RPS6KA3: variants seen among roughly 807,000 people sequenced by gnomAD.
RPS6KA3 encodes the protein ribosomal protein S6 kinase A3.
RPS6KA3 carries 4 observed loss-of-function variants against 67.2 expected under a neutral mutation model. The observed-to-expected ratio is 0.06, with a 90% CI of 0.03 to 0.14. The LOEUF is 0.14. Among genes scored for constraint, RPS6KA3 ranks in the 10% least tolerant of loss-of-function variants. The probability of loss-of-function intolerance (pLI) is 1.00; values close to 1 mark genes in which losing one functional copy is unlikely to be tolerated. For synonymous variants in RPS6KA3, 182 were observed against 183.7 expected (o/e 0.99, Z 0.07); for missense variants, 204 against 559.0 (o/e 0.36, Z 6.40).
chrX:20,188,065 C>T (rs2068030088), intron 8 of RPS6KA3, 95 bp from the exon 9 acceptor site: 1 of 854,358 alleles, frequency 1.2e-6, no homozygotes. Flanking sequence ...ATTTCTAATA[C>T]AAGTTTTTTT....
rs1429626051 is a variant in RPS6KA3 at position 20,163,913 on chromosome X, C to T, written c.1765-873G>A. 2.7e-5 allele frequency among the ~76,000 whole-genome samples: 3 copies of T among 111,760 alleles called. No homozygotes were observed. The East Asian group carries it at 8.5e-4, about 31-fold the overall frequency. ...CAAACCCCTGAGTTCAAGCAATCTGCCTGCCTTGGCCTCCCAAAGTGCTAG... is the reference window on the plus strand; with the variant it reads ...CAAACCCCTGAGTTCAAGCAATCTGTCTGCCTTGGCCTCCCAAAGTGCTAG... On this transcript the variant is annotated intron_variant, in intron 18 of 21. Transcript: ENST00000379565.
intron 10 of RPS6KA3, among the ~76,000 whole-genome samples, chrX:20,184,437 A>C (rs1603424283): frequency 1.2e-5 from 1 of 82,999 alleles, no homozygotes; most frequent in African/African-American, 4.7e-5. Context: ...CTCGCTCTTC[A>C]CTCTGTTGCT....
chrX:20,244,604 A>C (rs1405029141), intron 1 of RPS6KA3, among the ~76,000 whole-genome samples: 7 of 112,317 alleles, frequency 6.2e-5, no homozygotes, highest in Non-Finnish European at 9.4e-5. Flanking sequence ...AATAACTTGT[A>C]CAAGATCATA....
chrX:20,238,892 T>C (rs974108246), intron 1 of RPS6KA3, among the ~76,000 whole-genome samples: 1 of 111,514 alleles, frequency 9.0e-6, no homozygotes, highest in Non-Finnish European at 1.9e-5. Flanking sequence ...ACTTCTACAG[T>C]TAAGTTTCCC....
intron 1 of RPS6KA3, among the ~76,000 whole-genome samples, chrX:20,264,782 T>C (rs1207938362): frequency 8.9e-6 from 1 of 112,245 alleles, no homozygotes; most frequent in African/African-American, 3.2e-5. Context: ...GAGTTGCAAT[T>C]GTTAATGTTT....
intron 20 of RPS6KA3, among the ~76,000 whole-genome samples, chrX:20,157,014 T>G (rs1277683079): frequency 9.0e-6 from 1 of 111,520 alleles, no homozygotes; most frequent in African/African-American, 3.3e-5. Flanking sequence ...CATTAGAGAA[T>G]AATCAGAAAA....
At chrX:20,182,734 T>G (rs1054825109) in intron 10 of RPS6KA3, among the ~76,000 whole-genome samples, 1 of 111,864 alleles carries the variant, frequency 8.9e-6, no homozygotes, top group Non-Finnish European at 1.9e-5. Context: ...AATTACTGGA[T>G]GAGGGTATAC....
intron 14 of RPS6KA3, among the ~76,000 whole-genome samples, chrX:20,173,259 G>C (rs901754957): frequency 1.8e-5 from 2 of 111,913 alleles, no homozygotes; most frequent in Admixed American, 9.5e-5. Flanking sequence ...AAGGATTTAG[G>C]AGGATTCAGA....
At chrX:20,253,184 C>A (rs1225965874) in intron 1 of RPS6KA3, among the ~76,000 whole-genome samples, 1 of 104,213 alleles carries the variant, frequency 9.6e-6, no homozygotes, top group Non-Finnish European at 2.0e-5. Flanking sequence ...CTGATCTCCC[C>A]AGCCCACACC....
intron 2 of RPS6KA3, among the ~76,000 whole-genome samples, chrX:20,220,385 C>T (rs1377449716): frequency 9.0e-6 from 1 of 111,491 alleles, no homozygotes; most frequent in Admixed American, 9.5e-5. Context: ...CACTTAGGAA[C>T]TCTCCCATCT....
intron 15 of RPS6KA3, among the ~76,000 whole-genome samples, chrX:20,171,198 C>T (rs2067564780): frequency 8.9e-6 from 1 of 112,235 alleles, no homozygotes; most frequent in Non-Finnish European, 1.9e-5. Context: ...TTCTGGTCAA[C>T]AGTAGGCTAT....
chrX:20,247,399 A>G (rs2069720601), intron 1 of RPS6KA3, among the ~76,000 whole-genome samples: 1 of 111,734 alleles, frequency 8.9e-6, no homozygotes, highest in Non-Finnish European at 1.9e-5. Flanking sequence ...CTCTATCTCA[A>G]AAAAAACAAA....
intron 1 of RPS6KA3, chrX:20,240,642 T>C: frequency 3.3e-5 from 7 of 214,329 alleles, no homozygotes; most frequent in Non-Finnish European, 4.8e-5. Flanking sequence ...AAGACTTATG[T>C]ACAGTGATAT....
chrX:20,164,151 TAAAC>T (rs1271041023), intron 18 of RPS6KA3, among the ~76,000 whole-genome samples: 7 of 110,867 alleles, frequency 6.3e-5, no homozygotes, highest in Non-Finnish European at 1.3e-4. Flanking sequence ...ACCCTGTCCC[TAAAC>T]AAACAAACAA....
chrX:20,228,528 C>G (rs777396472), intron 2 of RPS6KA3, among the ~76,000 whole-genome samples: 3 of 111,365 alleles, frequency 2.7e-5, no homozygotes, highest in African/African-American at 9.8e-5. Flanking sequence ...GTCCAAGGTG[C>G]CCAAGTATAC....
At chrX:20,256,793 C>T (rs983438126) in intron 1 of RPS6KA3, among the ~76,000 whole-genome samples, 6 of 111,870 alleles carry the variant, frequency 5.4e-5, no homozygotes, top group African/African-American at 2.0e-4. Flanking sequence ...TCTCTACAGG[C>T]CTCCTTGGTG....
Position 20,186,223 on chromosome X carries a change from T to C in RPS6KA3, c.845+73A>G, listed in dbSNP as rs190341359. On this transcript the variant is annotated intron_variant, in intron 10 of 21. Transcript: ENST00000379565. ...TCCCAAAGTGCTGGGATTACAGGCA[T>C]GAGCCACAGCGCCCAGCCTGAAGCA... 195 of 732,912 alleles carry C rather than the reference T, an allele frequency of 2.7e-4. 2 individuals carry two copies. The African/African-American group carries it at 3.1e-3, about 12-fold the overall frequency. The allele number at this position is 732,912 out of a possible 1,213,427, so 60.4% of individuals were successfully genotyped here.
At chrX:20,226,844 T>C (rs1389226188) in intron 2 of RPS6KA3, among the ~76,000 whole-genome samples, 1 of 111,810 alleles carries the variant, frequency 8.9e-6, no homozygotes, top group African/African-American at 3.3e-5. Flanking sequence ...ATATTACCTT[T>C]AGACACCCTA....
Position 20,209,277 on chromosome X carries a change from T to C in RPS6KA3, c.243+11A>G. On this transcript the variant is annotated intron_variant, in intron 3 of 21. Coordinates refer to ENST00000379565, the MANE Select transcript of RPS6KA3 (RefSeq NM_004586.3). Reference sequence around the variant, plus strand: ...AGACAACTCTTAAAAAAGCACACACTCATGACTTACCTTTCCAAATGATCC... The same window carrying C: ...AGACAACTCTTAAAAAAGCACACACCCATGACTTACCTTTCCAAATGATCC... 1 of 994,129 alleles carries C rather than the reference T, an allele frequency of 1.0e-6. No homozygotes were observed. The highest frequency in any genetic ancestry group is 1.4e-6 in the Non-Finnish European group (1 of 697,890). The allele number at this position is 994,129 out of a possible 1,213,427, so 81.9% of individuals were successfully genotyped here. A position where few individuals can be genotyped will look rare whatever the true frequency, so the allele number is the denominator to read the frequency against.
Sources: allele counts gnomAD v4.1 joint callset (sites outside exome capture counted in the v4.1 genomes callset), GRCh38; gene constraint gnomAD v4.1.1; transcripts MANE v1.5; gene names NCBI Gene and HGNC (gene_info 2026-07-23, HGNC 2026-07-21).